OR51A4: variants seen among roughly 807,000 people sequenced by gnomAD.
The protein encoded by OR51A4 is olfactory receptor family 51 subfamily A member 4, also known as olfactory receptor 51A4.
For synonymous variants in OR51A4, 96 were observed against 141.5 expected (o/e 0.68, Z 2.28); for missense variants, 243 against 364.0 (o/e 0.67, Z 2.70).
In OR51A4 at chr11:4,946,416, T is replaced by A; in HGVS notation, c.685A>T (p.Ile229Phe). 1 of 1,610,912 alleles carries A rather than the reference T, an allele frequency of 6.2e-7. No homozygotes were observed. The highest frequency in any genetic ancestry group is 8.5e-7 in the Non-Finnish European group (1 of 1,177,616). The change falls in exon 2 of 2, where the codon ATT becomes TTT. Residue 229 changes from isoleucine (I) to phenylalanine (F), a missense_variant. Physicochemically the swap from Ile to Phe is conservative, Grantham distance 21 (BLOSUM62 0). Transcript: ENST00000641898. The stretch of plus-strand genomic sequence containing the variant: ...TTAAGCTGCTCCTTTTTGGATGCAA[T>A]TCCCAGTACAGTCTTGAGGATCAGG... ...YTLILKTVLGIASKKEQLKAL... is the reference protein window; with the variant it reads ...YTLILKTVLGFASKKEQLKAL...
chr11:4,943,542 G>C lies in OR51A4; in HGVS notation c.*2617C>G, dbSNP rs1846248191. On this transcript the variant is annotated 3_prime_UTR_variant, in exon 2 of 2. Transcript: ENST00000641898. ...TGTGCTAGATAATTCTTTTGGGTAA[G>C]GGCTATCCTGTACATTAAAGAATGG... The C allele has an allele frequency of 2.2e-6, 1 of 453,620 alleles. No individual in the cohort carries two copies. Among genetic ancestry groups the C allele is most frequent in the Non-Finnish European group, 4.4e-6 (1 of 225,774 alleles). The allele number at this position is 453,620 out of a possible 1,614,324, so 28.1% of individuals were successfully genotyped here.
At chr11:4,947,481 T>A (rs1405028879) in intron 1 of OR51A4, 64 bp downstream of exon 1, 3 of 153,442 alleles carry the variant, frequency 2.0e-5, no homozygotes, top group Non-Finnish European at 2.8e-5. Flanking sequence ...CAGTTCTATG[T>A]GATTAATTGC....
At position 4,943,137 on chromosome 11, in the gene OR51A4, T is replaced by A. The variant is rs561141550; in HGVS notation, c.*3022A>T. ...TGTAGTGTTCCATCCCTTACAATGT[T>A]TTCCCACAAACCTCTCACAAATGAC... is the stretch of plus-strand genomic sequence containing the variant. On this transcript the variant is annotated 3_prime_UTR_variant, in exon 2 of 2. Coordinates refer to ENST00000641898, the MANE Select transcript of OR51A4 (RefSeq NM_001005329.2). The A allele has an allele frequency of 1.6e-5, 3 of 182,512 alleles. No homozygotes were observed. The South Asian group carries it at 3.6e-4, about 22-fold the overall frequency. The allele number at this position is 182,512 out of a possible 1,614,324, so 11.3% of individuals were successfully genotyped here.
At position 4,944,826 on chromosome 11, in the gene OR51A4, A is replaced by G. The variant is rs1401057743; in HGVS notation, c.*1333T>C. On this transcript the variant is annotated 3_prime_UTR_variant, in exon 2 of 2. Transcript: ENST00000641898. ...TCATTAGCATCAATGATATGCCTATATTTGAAATAGACAATTTAAAAAACT... is the reference window on the plus strand; with the variant it reads ...TCATTAGCATCAATGATATGCCTATGTTTGAAATAGACAATTTAAAAAACT... 2.0e-5 allele frequency: 3 copies of G among 151,978 alleles called. No homozygotes were observed. The highest frequency in any genetic ancestry group is 4.4e-5 in the Non-Finnish European group (3 of 67,960). The allele number at this position is 151,978 out of a possible 1,614,324, so 9.4% of individuals were successfully genotyped here.
Position 4,943,916 on chromosome 11 carries a change from C to A in OR51A4, c.*2243G>T. The A allele has an allele frequency of 2.3e-6, 1 of 428,778 alleles. No homozygotes were observed. The highest frequency in any genetic ancestry group is 4.6e-6 in the Non-Finnish European group (1 of 215,068). The allele number at this position is 428,778 out of a possible 1,614,324, so 26.6% of individuals were successfully genotyped here. A position where few individuals can be genotyped will look rare whatever the true frequency, so the allele number is the denominator to read the frequency against. ...TACTCTTTTATGTGACATCTATGTA[C>A]AATATCCTGAAAGAATAAGATGCTA... On this transcript the variant is annotated 3_prime_UTR_variant, in exon 2 of 2. Transcript: ENST00000641898.
chr11:4,944,619 C>T lies in OR51A4; in HGVS notation c.*1540G>A, dbSNP rs535238881. 5.9e-5 allele frequency: 9 copies of T among 152,122 alleles called. No individual in the cohort carries two copies. The highest frequency in any genetic ancestry group is 1.7e-4 in the African/African-American group (7 of 41,490). 9.4% of individuals were successfully genotyped at this position (152,122 alleles called of 1,614,324 possible). A position where few individuals can be genotyped will look rare whatever the true frequency, so the allele number is the denominator to read the frequency against. ...TAGAAGTGTAGGAGACTTGAACTGA[C>T]GTGGTTGATAAAAATGACTTGATTC... is the stretch of plus-strand genomic sequence containing the variant. On this transcript the variant is annotated 3_prime_UTR_variant, in exon 2 of 2. Coordinates refer to ENST00000641898, the MANE Select transcript of OR51A4 (RefSeq NM_001005329.2).
Position 4,943,860 on chromosome 11 carries a change from CA to C in OR51A4, c.*2298del. On this transcript the variant is annotated 3_prime_UTR_variant, in exon 2 of 2. Coordinates refer to ENST00000641898, the MANE Select transcript of OR51A4 (RefSeq NM_001005329.2). ...TTTCATTTCATTTTATTAAGACTGT[CA>C]AAAACCCCTAAAATACAGATGATCT... 2.2e-6 allele frequency: 1 copy of C among 449,340 alleles called. No homozygotes were observed. The highest frequency in any genetic ancestry group is 4.5e-6 in the Non-Finnish European group (1 of 224,054). 27.8% of individuals were successfully genotyped at this position (449,340 alleles called of 1,614,324 possible). A position where few individuals can be genotyped will look rare whatever the true frequency, so the allele number is the denominator to read the frequency against.
Position 4,943,351 on chromosome 11 carries a change from T to G in OR51A4, c.*2808A>C. 2.8e-6 allele frequency: 1 copy of G among 353,514 alleles called. No individual in the cohort carries two copies. The allele number at this position is 353,514 out of a possible 1,614,324, so 21.9% of individuals were successfully genotyped here. On this transcript the variant is annotated 3_prime_UTR_variant, in exon 2 of 2. Transcript: ENST00000641898. ...AAGTGAAGTCTTTCAGTTTTCTCAG[T>G]TTTTCACTGGTTTCCTTTCTGAGGA... is the stretch of plus-strand genomic sequence containing the variant.
At position 4,945,202 on chromosome 11, in the gene OR51A4, C is replaced by G. The variant is rs891386933; in HGVS notation, c.*957G>C. On this transcript the variant is annotated 3_prime_UTR_variant, in exon 2 of 2. Coordinates refer to ENST00000641898, the MANE Select transcript of OR51A4 (RefSeq NM_001005329.2). ...ATAAAAGAGAAGATCATAATACAAA[C>G]TAGGGCTAGGTAATCTATGAGGAAA... 2 of 151,872 alleles carry G rather than the reference C, an allele frequency of 1.3e-5. No homozygotes were observed. Among genetic ancestry groups the G allele is most frequent in the African/African-American group, 4.8e-5 (2 of 41,392 alleles). The allele number at this position is 151,872 out of a possible 1,614,324, so 9.4% of individuals were successfully genotyped here.
Position 4,943,711 on chromosome 11 carries a change from G to C in OR51A4, c.*2448C>G. 2 of 352,722 alleles carry C rather than the reference G, an allele frequency of 5.7e-6. No individual in the cohort carries two copies. The highest frequency in any genetic ancestry group is 1.1e-5 in the Non-Finnish European group (2 of 178,464). The allele number at this position is 352,722 out of a possible 1,614,324, so 21.8% of individuals were successfully genotyped here. On this transcript the variant is annotated 3_prime_UTR_variant, in exon 2 of 2. Transcript: ENST00000641898. The stretch of plus-strand genomic sequence containing the variant: ...CCAGTTGAGAACCACTGTTTAAGGA[G>C]CCCCAGAGTTGAGATTTTAATCCTC...
rs1846250733 is a variant in OR51A4, at chr11:4,943,700, C to T, written c.*2459G>A. The T allele has an allele frequency of 5.7e-6, 2 of 353,192 alleles. No individual in the cohort carries two copies. Among genetic ancestry groups the T allele is most frequent in the South Asian group, 4.5e-5 (2 of 44,740 alleles). 21.9% of individuals were successfully genotyped at this position (353,192 alleles called of 1,614,324 possible). On this transcript the variant is annotated 3_prime_UTR_variant, in exon 2 of 2. Coordinates refer to ENST00000641898, the MANE Select transcript of OR51A4 (RefSeq NM_001005329.2). Reference sequence around the variant, plus strand: ...TAACATTGCTGCCAGTTGAGAACCACTGTTTAAGGAGCCCCAGAGTTGAGA... The same window carrying T: ...TAACATTGCTGCCAGTTGAGAACCATTGTTTAAGGAGCCCCAGAGTTGAGA...
chr11:4,946,175 C>G lies in OR51A4; in HGVS notation c.926G>C (p.Cys309Ser), dbSNP rs1232902427. 6.2e-7 allele frequency: 1 copy of G among 1,613,772 alleles called. No individual in the cohort carries two copies. The highest frequency in any genetic ancestry group is 1.3e-5 in the African/African-American group (1 of 74,774). ...ATATGACTGTTAAATCTTCCGTTGACACAATTTTGCTACAACTCTCACTCT... is the reference window on the plus strand; with the variant it reads ...ATATGACTGTTAAATCTTCCGTTGAGACAATTTTGCTACAACTCTCACTCT... Reference protein sequence around the residue: ...QIRVRVVAKLCQRKI With the variant: ...QIRVRVVAKLSQRKI The change falls in exon 2 of 2, where the codon TGT (cysteine) becomes TCT (serine). Residue 309 changes from cysteine to serine, a missense_variant. Coordinates refer to ENST00000641898, the MANE Select transcript of OR51A4 (RefSeq NM_001005329.2).
chr11:4,946,835 A>G lies in OR51A4; in HGVS notation c.266T>C (p.Phe89Ser). The G allele has an allele frequency of 6.3e-7, 1 of 1,588,498 alleles. No individual in the cohort carries two copies. Among genetic ancestry groups the G allele is most frequent in the Non-Finnish European group, 8.6e-7 (1 of 1,161,342 alleles). ...SLPTVLSIFLFNAPEISSNAC... is the reference protein window; with the variant it reads ...SLPTVLSIFLSNAPEISSNAC... The stretch of plus-strand genomic sequence containing the variant: ...ATTGGATGAAATTTCAGGAGCATTG[A>G]ACAGGAAGATGCTTAACACAGTGGG... The change falls in exon 2 of 2, where the codon TTC becomes TCC. Residue 89 changes from phenylalanine to serine, a missense_variant. Physicochemically the swap from Phe to Ser is radical, Grantham distance 155. Transcript: ENST00000641898.
Position 4,943,291 on chromosome 11 carries a change from T to G in OR51A4, c.*2868A>C. On this transcript the variant is annotated 3_prime_UTR_variant, in exon 2 of 2. Transcript: ENST00000641898. ...TCCTTTGCATTCATCTTTGTACACT[T>G]TCATGTGTGATTAATAAGTCTTTTA... 1 of 293,374 alleles carries G rather than the reference T, an allele frequency of 3.4e-6. No homozygotes were observed. 18.2% of individuals were successfully genotyped at this position (293,374 alleles called of 1,614,324 possible).
In OR51A4 at chr11:4,943,317, A is replaced by T; in HGVS notation, c.*2842T>A. 3.2e-6 allele frequency: 1 copy of T among 316,424 alleles called. No homozygotes were observed. Among genetic ancestry groups the T allele is most frequent in the Non-Finnish European group, 6.3e-6 (1 of 159,414 alleles). 19.6% of individuals were successfully genotyped at this position (316,424 alleles called of 1,614,324 possible). A position where few individuals can be genotyped will look rare whatever the true frequency, so the allele number is the denominator to read the frequency against. ...TCATGTGTGATTAATAAGTCTTTTA[A>T]CATCTCTCAAGTGAAGTCTTTCAGT... On this transcript the variant is annotated 3_prime_UTR_variant, in exon 2 of 2. Transcript: ENST00000641898.
At position 4,945,508 on chromosome 11, in the gene OR51A4, C is replaced by T. The variant is rs545301197; in HGVS notation, c.*651G>A. On this transcript the variant is annotated 3_prime_UTR_variant, in exon 2 of 2. Coordinates refer to ENST00000641898, the MANE Select transcript of OR51A4 (RefSeq NM_001005329.2). ...TTCAAATTTAAAAGAGACACTTACA[C>T]ATTCAATTTGCCTATAGATTACTCT... 2 of 153,296 alleles carry T rather than the reference C, an allele frequency of 1.3e-5. No homozygotes were observed. The highest frequency in any genetic ancestry group is 2.9e-5 in the Non-Finnish European group (2 of 68,882). The allele number at this position is 153,296 out of a possible 1,614,324, so 9.5% of individuals were successfully genotyped here.
rs1002042564 is a variant in OR51A4, at chr11:4,945,706, A to C, written c.*453T>G. 9.7e-6 allele frequency: 2 copies of C among 206,498 alleles called. No homozygotes were observed. The highest frequency in any genetic ancestry group is 2.0e-5 in the Non-Finnish European group (2 of 102,494). The allele number at this position is 206,498 out of a possible 1,614,324, so 12.8% of individuals were successfully genotyped here. On this transcript the variant is annotated 3_prime_UTR_variant, in exon 2 of 2. Coordinates refer to ENST00000641898, the MANE Select transcript of OR51A4 (RefSeq NM_001005329.2). ...CCGGGTCCCATATAACCATGTAAAA[A>C]TCCAGCACATGTATCCCAATATGGA...
chr11:4,946,310 C>T lies in OR51A4; in HGVS notation c.791G>A (p.Arg264His), dbSNP rs149815596. The T allele has an allele frequency of 4.2e-3, 6,757 of 1,613,736 alleles. 26 individuals are homozygous for T. The highest frequency in any genetic ancestry group is 5.1e-3 in the Non-Finnish European group (6,041 of 1,179,918). The change falls in exon 2 of 2, where the codon CGC becomes CAC. Residue 264 changes from arginine (R) to histidine (H), a missense_variant. Arg to His is a conservative substitution (Grantham distance 29, BLOSUM62 0). Transcript: ENST00000641898. Reference sequence around the variant, plus strand: ...GAGGGGAGAGACATGCCGGGCAAAGCGGTGGACAACGGCCAGGTTGATGAT... The same window carrying T: ...GAGGGGAGAGACATGCCGGGCAAAGTGGTGGACAACGGCCAGGTTGATGAT... The part of the protein sequence containing the change: ...LPIINLAVVH[R>H]FARHVSPLIN...
Position 4,946,442 on chromosome 11 carries a change from G to T in OR51A4, c.659C>A (p.Thr220Asn), listed in dbSNP as rs146223219. 3.1e-6 allele frequency: 5 copies of T among 1,609,904 alleles called. No homozygotes were observed. The African/African-American group carries it at 6.7e-5, about 22-fold the overall frequency. ...VDFILIAVSY[T>N]LILKTVLGIA... ...TCCCAGTACAGTCTTGAGGATCAGG[G>T]TGTAAGACACAGCAATGAGAATAAA... is the stretch of plus-strand genomic sequence containing the variant. The change falls in exon 2 of 2, where the codon ACC becomes AAC. Residue 220 changes from threonine to asparagine, a missense_variant. Thr to Asn is a moderately conservative substitution (Grantham distance 65). Coordinates refer to ENST00000641898, the MANE Select transcript of OR51A4 (RefSeq NM_001005329.2).
Sources: gnomAD v4.1 joint callset for allele counts on GRCh38, gnomAD v4.1.1 for gene constraint, MANE v1.5 for transcripts, NCBI Gene and HGNC (gene_info 2026-07-23, HGNC 2026-07-21) for gene names.